LRP1B: variants seen among roughly 807,000 people sequenced by gnomAD.
LRP1B encodes the protein LDL receptor related protein 1B.
Under a neutral mutation model 556.6 loss-of-function variants are expected in LRP1B, and 217 were observed. The observed-to-expected ratio is 0.39, with a 90% CI of 0.35 to 0.44. LRP1B has a LOEUF of 0.44. Among genes scored for constraint, LRP1B ranks in the 20% least tolerant of loss-of-function variants. LRP1B has a pLI of 1.00. For missense variants in LRP1B, 5,053 were observed against 5,620.8 expected (o/e 0.90, Z 3.23); for synonymous variants, 2,047 against 1,865.8 (o/e 1.10, Z -2.50).
At chr2:141,248,826 T>C (rs1036339339) in intron 4 of LRP1B, among the ~76,000 whole-genome samples, 4 of 152,162 alleles carry the variant, frequency 2.6e-5, no homozygotes, top group African/African-American at 9.6e-5. Flanking sequence ...CCTAGAAAAT[T>C]AGATATGTGC....
chr2:141,365,872 A>T (rs2105578422), intron 3 of LRP1B, among the ~76,000 whole-genome samples: 1 of 152,006 alleles, frequency 6.6e-6, no homozygotes, highest in East Asian at 1.9e-4. Context: ...ACGGGGTTTC[A>T]CCGTGTTAGC....
At chr2:141,386,996 A>G (rs898587343) in intron 3 of LRP1B, among the ~76,000 whole-genome samples, 31 of 152,176 alleles carry the variant, frequency 2.0e-4, no homozygotes, top group Admixed American at 1.1e-3. Flanking sequence ...CTGATATTAT[A>G]CAGAATATCT....
At chr2:141,009,641 C>G (rs1265252403) in intron 14 of LRP1B, among the ~76,000 whole-genome samples, 1 of 151,870 alleles carries the variant, frequency 6.6e-6, no homozygotes, top group Non-Finnish European at 1.5e-5. Context: ...ATAAATATGT[C>G]ATACATTAAA....
At chr2:140,699,802 T>G (rs2105418089) in intron 41 of LRP1B, among the ~76,000 whole-genome samples, 1 of 147,424 alleles carries the variant, frequency 6.8e-6, no homozygotes, top group South Asian at 2.1e-4. Flanking sequence ...ATATATTATA[T>G]ATATATTTTA....
At chr2:140,421,282 T>C (rs1014413811) in intron 66 of LRP1B, among the ~76,000 whole-genome samples, 7 of 151,992 alleles carry the variant, frequency 4.6e-5, no homozygotes, top group African/African-American at 1.2e-4. Context: ...AAAATAAATA[T>C]GTGGTTTCCT....
intron 25 of LRP1B, among the ~76,000 whole-genome samples, chr2:140,870,537 G>A (rs912449903): frequency 6.6e-6 from 1 of 152,044 alleles, no homozygotes; most frequent in African/African-American, 2.4e-5. Flanking sequence ...TTTGCTGCCA[G>A]TTTATTTCAG....
chr2:140,418,907 G>C (rs1287701346), intron 66 of LRP1B, among the ~76,000 whole-genome samples: 1 of 150,686 alleles, frequency 6.6e-6, no homozygotes, highest in East Asian at 2.0e-4. Context: ...GAAGGCTGCT[G>C]TCATAGTGTG....
intron 11 of LRP1B, among the ~76,000 whole-genome samples, chr2:141,044,444 T>C (rs1368342806): frequency 2.6e-5 from 4 of 151,090 alleles, no homozygotes; most frequent in Admixed American, 2.6e-4. Flanking sequence ...CTAAAGAGCT[T>C]CTGCACAGCA....
At chr2:141,888,014 G>T (rs560651007) in intron 1 of LRP1B, among the ~76,000 whole-genome samples, 2 of 152,248 alleles carry the variant, frequency 1.3e-5, no homozygotes, top group Admixed American at 1.3e-4. Flanking sequence ...TGGCTTTAAA[G>T]ATTTTATTAA....
intron 83 of LRP1B, among the ~76,000 whole-genome samples, chr2:140,309,030 G>A (rs1684183726): frequency 1.3e-5 from 2 of 151,858 alleles, no homozygotes; most frequent in Non-Finnish European, 3.0e-5. Flanking sequence ...TTTGATTCAA[G>A]TAATAAAAGT....
At chr2:140,499,698 C>T (rs1179295662) in intron 55 of LRP1B, among the ~76,000 whole-genome samples, 1 of 151,746 alleles carries the variant, frequency 6.6e-6, no homozygotes, top group African/African-American at 2.4e-5. Context: ...ATCTAAACAT[C>T]TCTCACCATA....
At chr2:140,272,433 C>T (rs1280272758) in intron 85 of LRP1B, among the ~76,000 whole-genome samples, 1 of 151,894 alleles carries the variant, frequency 6.6e-6, no homozygotes, top group Non-Finnish European at 1.5e-5. Context: ...CCAGTATTCA[C>T]TTTGATTTCC....
chr2:141,865,503 A>G (rs1428712306), intron 1 of LRP1B, among the ~76,000 whole-genome samples: 1 of 148,218 alleles, frequency 6.7e-6, no homozygotes, highest in Non-Finnish European at 1.5e-5. Flanking sequence ...GAGGCAGGAG[A>G]ATGGCGTGAA....
chr2:141,598,517 T>C (rs1038162697), intron 2 of LRP1B, among the ~76,000 whole-genome samples: 2 of 152,156 alleles, frequency 1.3e-5, no homozygotes, highest in Admixed American at 1.3e-4. Context: ...ACAGAAATGA[T>C]ATTATTTATT....
At chr2:141,287,663 C>G (rs1685771461) in intron 3 of LRP1B, among the ~76,000 whole-genome samples, 1 of 152,090 alleles carries the variant, frequency 6.6e-6, no homozygotes, top group South Asian at 2.1e-4. Flanking sequence ...TTGAAGTTGT[C>G]ATTGATTTCT....
At chr2:140,792,037 T>A (rs74632391) in intron 32 of LRP1B, among the ~76,000 whole-genome samples, 3,579 of 152,292 alleles carry the variant, frequency 0.024, 75 homozygotes, top group South Asian at 0.1. Context: ...CAGTAGGCAC[T>A]GAGATGAGTG....
intron 1 of LRP1B, among the ~76,000 whole-genome samples, chr2:141,954,981 A>G (rs1473302581): frequency 1.3e-5 from 2 of 152,128 alleles, no homozygotes; most frequent in Admixed American, 6.6e-5. Flanking sequence ...CCATTGCCCA[A>G]ATAAAGAAAT....
chr2:141,579,726 T>TTTG (rs1289647969), intron 2 of LRP1B, among the ~76,000 whole-genome samples: 18 of 136,626 alleles, frequency 1.3e-4, no homozygotes, highest in Non-Finnish European at 1.1e-4. Flanking sequence ...AGGTTTCACT[T>TTTG]TTTTTTTTTT....
intron 41 of LRP1B, among the ~76,000 whole-genome samples, chr2:140,691,200 G>A (rs896444435): frequency 1.8e-4 from 28 of 152,164 alleles, no homozygotes; most frequent in African/African-American, 4.3e-4. Flanking sequence ...GGCAGGGCGC[G>A]GTGGCTCACG....
Sources: gnomAD v4.1 joint callset for allele counts (sites outside exome capture counted in the v4.1 genomes callset) on GRCh38, gnomAD v4.1.1 for gene constraint, MANE v1.5 for transcripts, NCBI Gene and HGNC (gene_info 2026-07-23, HGNC 2026-07-21) for gene names.